The following ANK2 variants were observed in gnomAD, a reference collection of about 807,000 sequenced individuals.
The protein encoded by ANK2 is ankyrin 2.
A neutral mutation model predicts 360.5 loss-of-function variants in ANK2; 83 were observed. The ratio of observed to expected loss-of-function variants is 0.23; its 90% CI spans 0.19 to 0.28. The LOEUF is 0.28. ANK2 is among the 10% of genes least tolerant of loss of function. ANK2 has a pLI of 1.00. For missense variants in ANK2, 4,201 were observed against 4,795.7 expected (o/e 0.88, Z 3.66); for synonymous variants, 1,740 against 1,759.5 (o/e 0.99, Z 0.28).
intron 1 of ANK2, among the ~76,000 whole-genome samples, chr4:113,163,636 T>C (rs1190772565): frequency 6.6e-6 from 1 of 151,536 alleles, no homozygotes; most frequent in African/African-American, 2.4e-5. Flanking sequence ...TGGTGGTGCA[T>C]GCCTGTAATC....
At chr4:112,999,741 GC>G (rs1309942957) in intron 2 of ANK2, among the ~76,000 whole-genome samples, 7 of 150,294 alleles carry the variant, frequency 4.7e-5, no homozygotes, top group African/African-American at 1.7e-4. Flanking sequence ...AAAGGTTTTG[GC>G]TAAGGATTTT....
intron 1 of ANK2, among the ~76,000 whole-genome samples, chr4:113,093,929 CTCA>C (rs2089800209): frequency 6.6e-6 from 1 of 152,182 alleles, no homozygotes; most frequent in Non-Finnish European, 1.5e-5. Context: ...GAGTTAGGAG[CTCA>C]TTGTAACTCT....
At chr4:113,373,035 G>T in intron 43 of ANK2, 55 bp from the exon 44 acceptor site, 1 of 1,407,318 alleles carries the variant, frequency 7.1e-7, no homozygotes, top group Non-Finnish European at 1.0e-6. Context: ...CTTGGGAGTA[G>T]TTCCTCAGAA....
chr4:112,913,360 T>C (rs551839531), intron 2 of ANK2, among the ~76,000 whole-genome samples: 77 of 152,306 alleles, frequency 5.1e-4, no homozygotes, highest in African/African-American at 1.7e-3. Flanking sequence ...ATTATCAGTC[T>C]CTCTGTGTTA....
At chr4:113,370,618 G>T (rs2096702254) in intron 43 of ANK2, among the ~76,000 whole-genome samples, 1 of 152,136 alleles carries the variant, frequency 6.6e-6, no homozygotes, top group South Asian at 2.1e-4. Flanking sequence ...AAATTAGCCA[G>T]GTATGGTGGC....
rs368973018 is a variant in ANK2, at chr4:113,100,873, A to G, written c.84+51061A>G. Among the ~76,000 whole-genome samples, 14 of 152,166 alleles carry G rather than the reference A, an allele frequency of 9.2e-5. No homozygotes were observed. In the South Asian group the frequency reaches 2.1e-3, roughly 23 times the overall value. ...CTAAGTGAAGAAACAAGCCCTTTTG[A>G]AAAGGCTACATACCATTTGATTCAA... On this transcript the variant is annotated intron_variant, in intron 1 of 45. Coordinates refer to ENST00000357077, the MANE Select transcript of ANK2 (RefSeq NM_001148.6).
chr4:112,957,160 G>C (rs1280050854), intron 2 of ANK2, among the ~76,000 whole-genome samples: 2 of 151,244 alleles, frequency 1.3e-5, no homozygotes, highest in Non-Finnish European at 3.0e-5. Flanking sequence ...AGGACCCTGC[G>C]GCCTTCCGCA....
the ANK2 span, among the ~76,000 whole-genome samples, chr4:112,725,629 G>C: frequency 6.6e-6 from 1 of 152,026 alleles, no homozygotes; most frequent in African/African-American, 2.4e-5. Flanking sequence ...CAAAGTGCTG[G>C]GATTACAGGC....
intron 1 of ANK2, among the ~76,000 whole-genome samples, chr4:113,162,814 C>A (rs1009484393): frequency 6.6e-5 from 10 of 151,044 alleles, no homozygotes; most frequent in Admixed American, 6.6e-4. Context: ...TACATTCAAT[C>A]CCTAGCATCT....
the ANK2 span, among the ~76,000 whole-genome samples, chr4:112,760,256 G>A: frequency 6.6e-6 from 1 of 150,394 alleles, no homozygotes; most frequent in Non-Finnish European, 1.5e-5. Flanking sequence ...GCGCGATATC[G>A]GCTCACTGCA....
At chr4:112,792,852 A>C in the ANK2 span, among the ~76,000 whole-genome samples, 1 of 152,100 alleles carries the variant, frequency 6.6e-6, no homozygotes, top group African/African-American at 2.4e-5. Flanking sequence ...GGAAGATGTG[A>C]ATTTTATTTG....
chr4:112,738,427 A>G, the ANK2 span, among the ~76,000 whole-genome samples: 1 of 151,890 alleles, frequency 6.6e-6, no homozygotes, highest in Non-Finnish European at 1.5e-5. Context: ...AAAAAAAAAA[A>G]AAAAAAGACA....
intron 2 of ANK2, among the ~76,000 whole-genome samples, chr4:112,957,710 C>T (rs1381748406): frequency 6.6e-6 from 1 of 151,448 alleles, no homozygotes; most frequent in East Asian, 2.0e-4. Context: ...CCCCACCTCC[C>T]TCCCGGACGG....
intron 9 of ANK2, among the ~76,000 whole-genome samples, chr4:113,244,275 C>A (rs1306759611): frequency 6.6e-6 from 1 of 151,790 alleles, no homozygotes; most frequent in African/African-American, 2.4e-5. Flanking sequence ...GTGCTGTGAA[C>A]CCTGAAGATA....
intron 13 of ANK2, among the ~76,000 whole-genome samples, chr4:113,258,865 AAT>A (rs1174002575): frequency 6.6e-6 from 1 of 152,208 alleles, no homozygotes; most frequent in Admixed American, 6.5e-5. Flanking sequence ...GAGATAGATC[AAT>A]ATCAGAGACT....
At chr4:113,202,581 C>T (rs1431485726) in intron 4 of ANK2, among the ~76,000 whole-genome samples, 9 of 152,096 alleles carry the variant, frequency 5.9e-5, no homozygotes, top group East Asian at 5.8e-4. Context: ...GGCAAACTTC[C>T]GAGTTATTTG....
At chr4:112,868,968 TC>T (rs2071734664) in intron 1 of ANK2, among the ~76,000 whole-genome samples, 1 of 152,130 alleles carries the variant, frequency 6.6e-6, no homozygotes, top group Non-Finnish European at 1.5e-5. Flanking sequence ...TTTTATTTAT[TC>T]TTTTTTTTTG....
At chr4:112,751,796 A>T in the ANK2 span, among the ~76,000 whole-genome samples, 1 of 152,186 alleles carries the variant, frequency 6.6e-6, no homozygotes, top group African/African-American at 2.4e-5. Flanking sequence ...GGAGGTGTTA[A>T]GGACTTAAGA....
At chr4:112,775,515 T>TAACACACACACA in the ANK2 span, among the ~76,000 whole-genome samples, 1 of 118,066 alleles carries the variant, frequency 8.5e-6, no homozygotes, top group African/African-American at 3.2e-5. Flanking sequence ...CTAAGCTCCA[T>TAACACACACACA]CACACACACA....
Sources: allele counts gnomAD v4.1 joint callset (sites outside exome capture counted in the v4.1 genomes callset), GRCh38; gene constraint gnomAD v4.1.1; transcripts MANE v1.5; gene names NCBI Gene and HGNC (gene_info 2026-07-23, HGNC 2026-07-21).